Variants in ADK observed in about 807,000 individuals in gnomAD.
ADK encodes N6,N6-dimethyladenosine kinase.
ADK carries 24 observed loss-of-function variants against 44.7 expected under a neutral mutation model. The ratio of observed to expected loss-of-function variants is 0.54; its 90% CI spans 0.39 to 0.76. The LOEUF (loss-of-function observed/expected upper bound fraction) is 0.76, where lower values mean the gene tolerates loss of function less well. Ranked by LOEUF, ADK falls within the 30% of genes least tolerant of loss-of-function variation. The pLI, the probability that ADK is intolerant of heterozygous loss-of-function variation, is 0.00. For synonymous variants in ADK, 128 were observed against 142.6 expected (o/e 0.90, Z 0.73); for missense variants, 321 against 425.1 (o/e 0.76, Z 2.15).
chr10:74,669,373 G>A (rs1043064808), intron 9 of ADK, among the ~76,000 whole-genome samples: 1 of 152,142 alleles, frequency 6.6e-6, no homozygotes, highest in African/African-American at 2.4e-5. Flanking sequence ...CTGTCCAATC[G>A]TTTGCAGATG....
intron 6 of ADK, among the ~76,000 whole-genome samples, chr10:74,439,667 T>A (rs1286776934): frequency 6.6e-6 from 1 of 152,160 alleles, no homozygotes; most frequent in Non-Finnish European, 1.5e-5. Context: ...TGAAAATGAT[T>A]AGTTAAATCA....
At chr10:74,482,652 G>A (rs908648154) in intron 6 of ADK, among the ~76,000 whole-genome samples, 1 of 152,160 alleles carries the variant, frequency 6.6e-6, no homozygotes, top group Non-Finnish European at 1.5e-5. Flanking sequence ...AATACAGTTA[G>A]TTACTTCCAT....
intron 7 of ADK, among the ~76,000 whole-genome samples, chr10:74,581,550 A>G (rs1851374652): frequency 6.6e-6 from 1 of 152,156 alleles, no homozygotes; most frequent in Non-Finnish European, 1.5e-5. Context: ...AATAACTGTA[A>G]ACCCACAAAT....
At chr10:74,186,638 A>C (rs1842777180) in intron 1 of ADK, among the ~76,000 whole-genome samples, 1 of 151,940 alleles carries the variant, frequency 6.6e-6, no homozygotes, top group Non-Finnish European at 1.5e-5. Context: ...CCCCCTTCTC[A>C]CCCAGGCAAC....
intron 1 of ADK, chr10:74,174,626 ACT>A (rs1373944630): frequency 6.6e-6 from 1 of 152,236 alleles, no homozygotes; most frequent in Non-Finnish European, 1.5e-5. Flanking sequence ...AAGGTGGGTA[ACT>A]CTAGCCAGTG....
chr10:74,412,847 C>T (rs1367928126), intron 6 of ADK, among the ~76,000 whole-genome samples: 1 of 152,118 alleles, frequency 6.6e-6, no homozygotes, highest in Admixed American at 6.5e-5. Context: ...CACCTGAGGT[C>T]AGGAATTCGA....
At chr10:74,530,674 C>T (rs1279798233) in intron 7 of ADK, 1 of 152,260 alleles carries the variant, frequency 6.6e-6, no homozygotes, top group African/African-American at 2.4e-5. Context: ...GCCTGTAATA[C>T]CAGCACTTTG....
intron 6 of ADK, among the ~76,000 whole-genome samples, chr10:74,459,396 T>C (rs909117627): frequency 1.3e-5 from 2 of 152,000 alleles, no homozygotes; most frequent in Non-Finnish European, 2.9e-5. Context: ...TCAGAGGACA[T>C]TAGAGTTCAG....
chr10:74,519,548 T>C (rs548748009), intron 6 of ADK, among the ~76,000 whole-genome samples: 2 of 152,112 alleles, frequency 1.3e-5, no homozygotes, highest in East Asian at 3.9e-4. Context: ...AGTACACTGA[T>C]AAGTTTATGA....
At chr10:74,549,067 C>T (rs1475971134) in intron 7 of ADK, among the ~76,000 whole-genome samples, 6 of 152,162 alleles carry the variant, frequency 3.9e-5, no homozygotes, top group Non-Finnish European at 8.8e-5. Flanking sequence ...TAGAGGCAGA[C>T]ATTCAATTTA....
intron 4 of ADK, among the ~76,000 whole-genome samples, chr10:74,387,286 A>C (rs1843178211): frequency 6.6e-6 from 1 of 152,140 alleles, no homozygotes; most frequent in African/African-American, 2.4e-5. Context: ...GTGGCATTAT[A>C]CTGTGCGAAA....
intron 6 of ADK, among the ~76,000 whole-genome samples, chr10:74,498,291 A>C (rs932960134): frequency 2.0e-5 from 3 of 152,230 alleles, no homozygotes; most frequent in Admixed American, 2.0e-4. Flanking sequence ...GTAAATCATT[A>C]AGATTTTACC....
At chr10:74,506,350 C>CTT in intron 6 of ADK, 7 of 260,518 alleles carry the variant, frequency 2.7e-5, no homozygotes, top group South Asian at 7.9e-5. Context: ...AGCAAGTCAG[C>CTT]TTTTTTTTGT....
chr10:74,628,114 C>T (rs1035194461), intron 9 of ADK, among the ~76,000 whole-genome samples: 3 of 152,174 alleles, frequency 2.0e-5, no homozygotes, highest in Non-Finnish European at 1.5e-5. Context: ...AGACATTTGT[C>T]ACCATTGACA....
intron 4 of ADK, among the ~76,000 whole-genome samples, chr10:74,388,216 A>G (rs1843211227): frequency 6.6e-6 from 1 of 152,048 alleles, no homozygotes; most frequent in Admixed American, 6.5e-5. Flanking sequence ...CTTGTTTGTC[A>G]ATTTCTAATT....
intron 6 of ADK, chr10:74,423,861 C>A: frequency 3.6e-6 from 1 of 276,042 alleles, no homozygotes; most frequent in South Asian, 4.2e-5. Context: ...AGCAGACAGT[C>A]TGTGTAAGGA....
intron 6 of ADK, among the ~76,000 whole-genome samples, chr10:74,411,538 A>T (rs1479321017): frequency 6.6e-6 from 1 of 152,238 alleles, no homozygotes; most frequent in Non-Finnish European, 1.5e-5. Flanking sequence ...ACATACTTTA[A>T]TTAAAAATAC....
At chr10:74,283,584 C>T (rs1847031423) in intron 3 of ADK, among the ~76,000 whole-genome samples, 2 of 147,328 alleles carry the variant, frequency 1.4e-5, no homozygotes, top group Non-Finnish European at 3.0e-5. Flanking sequence ...AAATGACTCT[C>T]AAATCTTACC....
chr10:74,655,207 A>G (rs1022083514), intron 9 of ADK: 2 of 352,522 alleles, frequency 5.7e-6, no homozygotes, highest in Non-Finnish European at 1.1e-5. Context: ...CATGAAAGGG[A>G]CAGAGATGGA....
Sources: allele counts gnomAD v4.1 joint callset (sites outside exome capture counted in the v4.1 genomes callset), GRCh38; gene constraint gnomAD v4.1.1; transcripts MANE v1.5; gene names NCBI Gene and HGNC (gene_info 2026-07-23, HGNC 2026-07-21).